ARHGAP15: variants seen among roughly 807,000 people sequenced by gnomAD.
The protein encoded by ARHGAP15 is Rho GTPase activating protein 15, also known as rho GTPase-activating protein 15.
ARHGAP15 carries 51 observed loss-of-function variants against 63.7 expected under a neutral mutation model. The observed-to-expected ratio is 0.80, with a 90% CI of 0.64 to 1.01. The LOEUF (loss-of-function observed/expected upper bound fraction) is 1.01. Among genes scored for constraint, ARHGAP15 ranks in the 50% least tolerant of loss-of-function variants. The probability of loss-of-function intolerance (pLI) is 0.00; values close to 1 mark genes in which losing one functional copy is unlikely to be tolerated. For missense variants in ARHGAP15, 560 were observed against 564.6 expected, an observed-to-expected ratio of 0.99 and a Z score of 0.08; for synonymous variants, 191 against 193.8, an observed-to-expected ratio of 0.99 and a Z score of 0.12.
chr2:143,361,292 C>T (rs1023618346), intron 6 of ARHGAP15, among the ~76,000 whole-genome samples: 2 of 152,124 alleles, frequency 1.3e-5, no homozygotes, highest in African/African-American at 2.4e-5. Context: ...ATTAGCCACC[C>T]AAGAGGCACG....
chr2:143,315,470 A>C (rs1031930608), intron 6 of ARHGAP15, among the ~76,000 whole-genome samples: 1 of 152,176 alleles, frequency 6.6e-6, no homozygotes, highest in Non-Finnish European at 1.5e-5. Context: ...GCTAAACATA[A>C]GAATTGCTGG....
chr2:143,457,508 CAG>C (rs1690718768), intron 8 of ARHGAP15, among the ~76,000 whole-genome samples: 1 of 151,670 alleles, frequency 6.6e-6, no homozygotes, highest in African/African-American at 2.4e-5. Flanking sequence ...GCCTGGGCAA[CAG>C]AGTGAAACCC....
At chr2:143,424,148 C>T (rs1689047258) in intron 6 of ARHGAP15, among the ~76,000 whole-genome samples, 1 of 152,024 alleles carries the variant, frequency 6.6e-6, no homozygotes, top group South Asian at 2.1e-4. Context: ...GACTACTAGG[C>T]CCTATCTCCA....
At chr2:143,410,394 A>AT (rs1688392274) in intron 6 of ARHGAP15, among the ~76,000 whole-genome samples, 1 of 152,180 alleles carries the variant, frequency 6.6e-6, no homozygotes, top group African/African-American at 2.4e-5. Context: ...ACACCAGGCT[A>AT]CGTGATTGTC....
chr2:143,249,232 T>G (rs1680012443), intron 5 of ARHGAP15, among the ~76,000 whole-genome samples: 1 of 152,098 alleles, frequency 6.6e-6, no homozygotes, highest in South Asian at 2.1e-4. Context: ...AATTCTATCC[T>G]GCCGGCTGGG....
chr2:143,582,016 G>A (rs756045983), intron 11 of ARHGAP15, among the ~76,000 whole-genome samples: 1 of 152,198 alleles, frequency 6.6e-6, no homozygotes, highest in Non-Finnish European at 1.5e-5. Flanking sequence ...ATGATGTGAA[G>A]AGTGTTTGCT....
At chr2:143,765,107 A>ATG (rs1491302215) in intron 13 of ARHGAP15, among the ~76,000 whole-genome samples, 16 of 110,388 alleles carry the variant, frequency 1.4e-4, no homozygotes, top group South Asian at 6.6e-4. Context: ...TGCCTCTAAA[A>ATG]TATGTGTGTG....
chr2:143,757,129 C>T (rs929681949), intron 13 of ARHGAP15, among the ~76,000 whole-genome samples: 4 of 151,234 alleles, frequency 2.6e-5, no homozygotes, highest in Non-Finnish European at 5.9e-5. Flanking sequence ...TCTCTTACGT[C>T]TAAACAAAAG....
chr2:143,432,992 T>C (rs1689454215), intron 6 of ARHGAP15, among the ~76,000 whole-genome samples: 1 of 152,058 alleles, frequency 6.6e-6, no homozygotes, highest in African/African-American at 2.4e-5. Context: ...TTAGCACGGC[T>C]TAATATCAAA....
chr2:143,513,905 C>T (rs1693691727), intron 9 of ARHGAP15, among the ~76,000 whole-genome samples: 1 of 152,166 alleles, frequency 6.6e-6, no homozygotes, highest in Non-Finnish European at 1.5e-5. Flanking sequence ...TGCTCTGTGA[C>T]CTTTCACAAA....
At chr2:143,207,285 A>G (rs1215546139) in intron 3 of ARHGAP15, among the ~76,000 whole-genome samples, 1 of 152,068 alleles carries the variant, frequency 6.6e-6, no homozygotes, top group African/African-American at 2.4e-5. Context: ...ATAGTAATAG[A>G]TAATAGATCT....
intron 6 of ARHGAP15, among the ~76,000 whole-genome samples, chr2:143,427,906 T>C (rs1689200830): frequency 6.6e-6 from 1 of 152,136 alleles, no homozygotes; most frequent in Non-Finnish European, 1.5e-5. Context: ...TATCAAACAA[T>C]GCAATATAAT....
At chr2:143,269,655 T>A (rs992981550) in intron 6 of ARHGAP15, among the ~76,000 whole-genome samples, 3 of 151,884 alleles carry the variant, frequency 2.0e-5, no homozygotes, top group African/African-American at 7.3e-5. Context: ...GTGTTTCAAA[T>A]CACTTCCTAT....
At chr2:143,532,478 GT>G (rs913717307) in intron 10 of ARHGAP15, among the ~76,000 whole-genome samples, 7 of 152,132 alleles carry the variant, frequency 4.6e-5, no homozygotes, top group African/African-American at 9.7e-5. Context: ...CTTTTCACAA[GT>G]TTTTTTATGG....
intron 1 of ARHGAP15, among the ~76,000 whole-genome samples, chr2:143,140,784 T>C (rs576187402): frequency 1.3e-5 from 2 of 152,208 alleles, no homozygotes; most frequent in Admixed American, 6.5e-5. Flanking sequence ...TTGAAAGCAA[T>C]TGGTGTTAGC....
intron 2 of ARHGAP15, among the ~76,000 whole-genome samples, chr2:143,198,756 A>G (rs1384395807): frequency 2.0e-5 from 3 of 152,286 alleles, no homozygotes; most frequent in Non-Finnish European, 4.4e-5. Flanking sequence ...GGAGCTAGCC[A>G]TAGAAGAAAT....
At chr2:143,191,797 T>A (rs1452004562) in intron 2 of ARHGAP15, among the ~76,000 whole-genome samples, 1 of 152,210 alleles carries the variant, frequency 6.6e-6, no homozygotes, top group Non-Finnish European at 1.5e-5. Context: ...ACTATACCGA[T>A]TTACCTCTTC....
At chr2:143,418,639 G>GA (rs1688784955) in intron 6 of ARHGAP15, among the ~76,000 whole-genome samples, 1 of 151,916 alleles carries the variant, frequency 6.6e-6, no homozygotes, top group Non-Finnish European at 1.5e-5. Context: ...ATATAAATTG[G>GA]AAAAATTACA....
intron 12 of ARHGAP15, among the ~76,000 whole-genome samples, chr2:143,670,992 C>G (rs1213721773): frequency 6.6e-6 from 1 of 152,146 alleles, no homozygotes; most frequent in Non-Finnish European, 1.5e-5. Context: ...TTCTGGCTTT[C>G]ATTACACTAC....
Sources: allele counts gnomAD v4.1 joint callset (sites outside exome capture counted in the v4.1 genomes callset), GRCh38; gene constraint gnomAD v4.1.1; transcripts MANE v1.5; gene names NCBI Gene and HGNC (gene_info 2026-07-23, HGNC 2026-07-21).